The following MIA2 variants were observed in gnomAD, a reference collection of about 807,000 sequenced individuals.
The protein encoded by MIA2 is melanoma inhibitory activity protein 2.
In MIA2, 127 loss-of-function variants were observed where a neutral mutation model predicts 167.8. The observed-to-expected ratio is 0.76, with a 90% CI of 0.66 to 0.88. The LOEUF (loss-of-function observed/expected upper bound fraction) is 0.88, where lower values mean the gene tolerates loss of function less well. Ranked by LOEUF, MIA2 falls within the 40% of genes least tolerant of loss-of-function variation. The pLI is 0.00. For missense variants in MIA2, 1,690 were observed against 1,624.7 expected (o/e 1.04, Z -0.69); for synonymous variants, 552 against 541.9 (o/e 1.02, Z -0.26).
intron 1 of MIA2, among the ~76,000 whole-genome samples, chr14:39,236,206 G>A (rs947294143): frequency 5.3e-5 from 8 of 152,140 alleles, no homozygotes; most frequent in Admixed American, 4.6e-4. Context: ...ATGCAGCCTA[G>A]TAAGGATAAT....
At chr14:39,248,339 A>T (rs2054401764) in intron 4 of MIA2, 198 bp downstream of exon 4, 1 of 298,130 alleles carries the variant, frequency 3.4e-6, no homozygotes, top group Non-Finnish European at 5.9e-6. Context: ...ATGATTGGAG[A>T]TCTAAAGATG....
chr14:39,266,057 A>C, intron 6 of MIA2: 1 of 985,406 alleles, frequency 1.0e-6, no homozygotes, highest in Non-Finnish European at 1.2e-6. Context: ...CCAGTTTTTG[A>C]TTTTTTAAAT....
At chr14:39,363,755 GT>G (rs2074752147) in intron 23 of MIA2, among the ~76,000 whole-genome samples, 1 of 152,070 alleles carries the variant, frequency 6.6e-6, no homozygotes, top group Non-Finnish European at 1.5e-5. Context: ...TTCCTTTATT[GT>G]TTTGTAATGT....
intron 23 of MIA2, among the ~76,000 whole-genome samples, chr14:39,359,960 A>T (rs1393152577): frequency 1.3e-5 from 2 of 151,478 alleles, no homozygotes; most frequent in African/African-American, 4.8e-5. Flanking sequence ...CAGTGTATAA[A>T]AGTTCCTGTT....
intron 23 of MIA2, among the ~76,000 whole-genome samples, chr14:39,375,999 G>C (rs1315713648): frequency 6.6e-6 from 1 of 152,108 alleles, no homozygotes; most frequent in Non-Finnish European, 1.5e-5. Context: ...TGTTGCCCAG[G>C]CTGGAGTGCA....
At chr14:39,298,473 G>A (rs1490644526) in intron 13 of MIA2, among the ~76,000 whole-genome samples, 1 of 108,614 alleles carries the variant, frequency 9.2e-6, no homozygotes, top group Non-Finnish European at 1.9e-5. Context: ...TTCGGAATAC[G>A]CTAATGAAGC....
intron 6 of MIA2, among the ~76,000 whole-genome samples, chr14:39,264,184 G>A (rs1293951035): frequency 6.6e-6 from 1 of 152,162 alleles, no homozygotes; most frequent in Admixed American, 6.5e-5. Flanking sequence ...CCACTTATAA[G>A]TGAGAACATG....
intron 23 of MIA2, among the ~76,000 whole-genome samples, chr14:39,364,229 G>A (rs1015859012): frequency 1.1e-4 from 16 of 151,972 alleles, no homozygotes; most frequent in Admixed American, 8.5e-4. Flanking sequence ...GTGGTGGCGC[G>A]CGCCTGTAGT....
chr14:39,282,061 G>T, intron 9 of MIA2, among the ~76,000 whole-genome samples: 1 of 151,772 alleles, frequency 6.6e-6, no homozygotes, highest in Non-Finnish European at 1.5e-5. Context: ...TTTTTCTCTT[G>T]TTTCTCAGTC....
At chr14:39,255,688 A>G (rs1351773193) in intron 6 of MIA2, among the ~76,000 whole-genome samples, 3 of 152,194 alleles carry the variant, frequency 2.0e-5, no homozygotes, top group Non-Finnish European at 2.9e-5. Flanking sequence ...TCCACAAATT[A>G]TATGAATGAA....
At chr14:39,336,522 A>G (rs897245559) in intron 25 of MIA2, among the ~76,000 whole-genome samples, 1 of 152,196 alleles carries the variant, frequency 6.6e-6, no homozygotes, top group African/African-American at 2.4e-5. Context: ...TGGCTACCTT[A>G]TTAGGAAAGA....
Position 39,238,611 on chromosome 14 carries a change from A to G in MIA2, c.249+1556A>G, listed in dbSNP as rs373216307. Among the ~76,000 whole-genome samples the G allele has an allele frequency of 9.2e-5, 14 of 152,050 alleles. 1 individual carries two copies. The East Asian group carries it at 2.1e-3, about 23-fold the overall frequency. ...GGAGTTTGAGACCAGCTTGGACAAC[A>G]TGGCGAAACCTCATCTCTACTAAAA... is the stretch of plus-strand genomic sequence containing the variant. On this transcript the variant is annotated intron_variant, in intron 2 of 28. Coordinates refer to ENST00000640607, the MANE Select transcript of MIA2 (RefSeq NM_001329214.4).
Position 39,293,371 on chromosome 14 carries a change from A to C in MIA2, c.2309A>C (p.Gln770Pro). ...GAAGAGAAATCCAAACATTCTGAACAAGATGAATTGGTAAGGCTTTTTTAT... is the reference window on the plus strand; with the variant it reads ...GAAGAGAAATCCAAACATTCTGAACCAGATGAATTGGTAAGGCTTTTTTAT... The part of the protein sequence containing the change: ...LKEEKSKHSE[Q>P]DELMADISKR... The change falls in exon 11 of 29, where the codon CAA becomes CCA. Residue 770 changes from glutamine (Q) to proline (P), a missense_variant. Transcript: ENST00000640607. 1 of 1,578,608 alleles carries C rather than the reference A, an allele frequency of 6.3e-7. No individual in the cohort carries two copies. Among genetic ancestry groups the C allele is most frequent in the Non-Finnish European group, 8.7e-7 (1 of 1,153,560 alleles).
At position 39,325,516 on chromosome 14, in the gene MIA2, T is replaced by C. The variant is rs181054950; in HGVS notation, c.3497-1348T>C. On this transcript the variant is annotated intron_variant, in intron 24 of 28. Coordinates refer to ENST00000640607, the MANE Select transcript of MIA2 (RefSeq NM_001329214.4). The stretch of plus-strand genomic sequence containing the variant: ...CTGAGTAGCTGGGACTACAGGCGCC[T>C]GCCACCATGCCCGGCTAATTTTTTG... Among the ~76,000 whole-genome samples the C allele has an allele frequency of 5.0e-3, 742 of 149,036 alleles. 2 individuals are homozygous for C. Among genetic ancestry groups the C allele is most frequent in the Admixed American group, 9.8e-3 (146 of 14,930 alleles).
At chr14:39,365,809 G>A (rs966583441) in intron 23 of MIA2, among the ~76,000 whole-genome samples, 2 of 151,808 alleles carry the variant, frequency 1.3e-5, no homozygotes, top group African/African-American at 2.4e-5. Flanking sequence ...TATTTCTCCA[G>A]CATCTTATAA....
At chr14:39,364,240 C>T (rs182832072) in intron 23 of MIA2, among the ~76,000 whole-genome samples, 1 of 152,152 alleles carries the variant, frequency 6.6e-6, no homozygotes, top group African/African-American at 2.4e-5. Context: ...CGCCTGTAGT[C>T]CCAGCTACTC....
chr14:39,329,388 A>G (rs746783070), intron 25 of MIA2, among the ~76,000 whole-genome samples: 20 of 152,290 alleles, frequency 1.3e-4, no homozygotes, highest in Non-Finnish European at 1.0e-4. Flanking sequence ...TAAATATACA[A>G]TCATGTCATC....
At chr14:39,317,768 G>C (rs745712594) in intron 21 of MIA2, among the ~76,000 whole-genome samples, 176 bp from the exon 22 acceptor site, 13 of 152,098 alleles carry the variant, frequency 8.5e-5, no homozygotes, top group Non-Finnish European at 1.8e-4. Flanking sequence ...TAGAAATTCT[G>C]ATCTTTCAGA....
downstream of MIA2, among the ~76,000 whole-genome samples, chr14:39,355,231 A>C (rs565741011): frequency 4.6e-5 from 7 of 151,968 alleles, no homozygotes; most frequent in South Asian, 2.1e-4. Context: ...CTTTTATTTC[A>C]TTGAGCAGTG....
Sources: gnomAD v4.1 joint callset for allele counts (sites outside exome capture counted in the v4.1 genomes callset) on GRCh38, gnomAD v4.1.1 for gene constraint, MANE v1.5 for transcripts, NCBI Gene and HGNC (gene_info 2026-07-23, HGNC 2026-07-21) for gene names.